The following HS3ST4 variants were observed in gnomAD, a reference collection of about 807,000 sequenced individuals.
The protein encoded by HS3ST4 is heparan sulfate-glucosamine 3-sulfotransferase 4.
A neutral mutation model predicts 29.2 loss-of-function variants in HS3ST4; 17 were observed. The observed-to-expected ratio is 0.58, with a 90% CI of 0.40 to 0.87. HS3ST4 has a LOEUF of 0.87. HS3ST4 is among the 40% of genes least tolerant of loss of function. The pLI is 0.00. For synonymous variants in HS3ST4, 314 were observed against 285.7 expected (o/e 1.10, Z -1.00); for missense variants, 627 against 634.5 (o/e 0.99, Z 0.13).
At chr16:25,956,079 G>A (rs1389174733) in intron 1 of HS3ST4, among the ~76,000 whole-genome samples, 1 of 152,126 alleles carries the variant, frequency 6.6e-6, no homozygotes, top group African/African-American at 2.4e-5. Context: ...GCCTCCCAAA[G>A]TGCTGGGATT....
At position 25,692,662 on chromosome 16, in the gene HS3ST4, CCTCTCT is replaced by C; in HGVS notation, c.246_251del (p.Ser83_Leu84del). ...GAGCCCCCGCCGAGCCCGCCGCCAC[CCTCTCT>C]GCTGCCTACCCCCGTGCGCCTCGGC... On this transcript the variant is annotated inframe_deletion, in exon 1 of 2. Coordinates refer to ENST00000331351, the MANE Select transcript of HS3ST4 (RefSeq NM_006040.3). 3 of 1,345,086 alleles carry C rather than the reference CCTCTCT, an allele frequency of 2.2e-6. No homozygotes were observed. The highest frequency in any genetic ancestry group is 2.9e-6 in the Non-Finnish European group (3 of 1,040,372). 83.3% of individuals were successfully genotyped at this position (1,345,086 alleles called of 1,614,324 possible).
At position 26,136,294 on chromosome 16, in the gene HS3ST4, C is replaced by A; in HGVS notation, c.*46C>A. 1 of 1,537,198 alleles carries A rather than the reference C, an allele frequency of 6.5e-7. No individual in the cohort carries two copies. Among genetic ancestry groups the A allele is most frequent in the Non-Finnish European group, 8.7e-7 (1 of 1,143,594 alleles). ...GCTAGTCAATAAGCTAAGGAGGCTC[C>A]TTGCCTGAGTCCTTGAATACCCCAG... On this transcript the variant is annotated 3_prime_UTR_variant, in exon 2 of 2. Transcript: ENST00000331351.
intron 1 of HS3ST4, among the ~76,000 whole-genome samples, chr16:25,762,195 A>T (rs1966792630): frequency 6.6e-6 from 1 of 152,226 alleles, no homozygotes; most frequent in East Asian, 1.9e-4. Flanking sequence ...CCTCCAGACC[A>T]TGAGAAATAA....
At chr16:26,040,623 A>G (rs1238578604) in intron 1 of HS3ST4, among the ~76,000 whole-genome samples, 1 of 151,394 alleles carries the variant, frequency 6.6e-6, no homozygotes, top group Non-Finnish European at 1.5e-5. Context: ...GTATGTTTCT[A>G]TGTCTCTGCT....
chr16:25,989,197 A>G lies in HS3ST4; in HGVS notation c.735-146415A>G, dbSNP rs578214028. 3.3e-5 allele frequency among the ~76,000 whole-genome samples: 5 copies of G among 152,336 alleles called. No individual in the cohort carries two copies. The East Asian group carries it at 9.6e-4, about 29-fold the overall frequency. Reference sequence around the variant, plus strand: ...AAAACTCCGTGATTGGTGTAAGAGTAGGTTACAGTCTGTTTACACCTCCAG... The same window carrying G: ...AAAACTCCGTGATTGGTGTAAGAGTGGGTTACAGTCTGTTTACACCTCCAG... On this transcript the variant is annotated intron_variant, in intron 1 of 1. Transcript: ENST00000331351.
At chr16:25,999,884 A>T (rs1303304092) in intron 1 of HS3ST4, among the ~76,000 whole-genome samples, 158 of 121,342 alleles carry the variant, frequency 1.3e-3, no homozygotes, top group Non-Finnish European at 1.8e-3. Flanking sequence ...TATATATATT[A>T]TATATATATA....
intron 1 of HS3ST4, among the ~76,000 whole-genome samples, chr16:25,900,081 C>T (rs1968107458): frequency 6.6e-6 from 1 of 152,226 alleles, no homozygotes. Flanking sequence ...ACATTCTTAA[C>T]AGATAGTTTA....
intron 1 of HS3ST4, among the ~76,000 whole-genome samples, chr16:26,045,764 C>T (rs1898257869): frequency 6.6e-6 from 1 of 152,176 alleles, no homozygotes; most frequent in Non-Finnish European, 1.5e-5. Context: ...TGTTTTCCTG[C>T]ACTTTTATAA....
intron 1 of HS3ST4, among the ~76,000 whole-genome samples, chr16:26,091,693 C>G (rs1596677657): frequency 6.6e-6 from 1 of 152,132 alleles, no homozygotes; most frequent in Admixed American, 6.5e-5. Context: ...ATTCAAGTCA[C>G]CATTCATCCT....
At chr16:26,106,744 T>C (rs1263560099) in intron 1 of HS3ST4, among the ~76,000 whole-genome samples, 2 of 152,258 alleles carry the variant, frequency 1.3e-5, no homozygotes, top group African/African-American at 4.8e-5. Flanking sequence ...CTTCCTGTGC[T>C]GTTCCCCTAG....
At chr16:25,859,708 A>T (rs1041981397) in intron 1 of HS3ST4, among the ~76,000 whole-genome samples, 1 of 152,258 alleles carries the variant, frequency 6.6e-6, no homozygotes, top group Non-Finnish European at 1.5e-5. Context: ...AAAGACCTTA[A>T]AAGACACCTC....
intron 1 of HS3ST4, among the ~76,000 whole-genome samples, chr16:26,024,650 T>A (rs1269102794): frequency 6.6e-6 from 1 of 152,114 alleles, no homozygotes; most frequent in East Asian, 1.9e-4. Context: ...GAGAATCGCA[T>A]GAACCCAGGA....
intron 1 of HS3ST4, among the ~76,000 whole-genome samples, chr16:25,697,378 G>C (rs1966305135): frequency 6.6e-6 from 1 of 152,108 alleles, no homozygotes; most frequent in Admixed American, 6.5e-5. Flanking sequence ...CTATTGAATA[G>C]GTAAAATGTC....
intron 1 of HS3ST4, among the ~76,000 whole-genome samples, chr16:25,789,371 CTTTCTCTTTCTT>C (rs1966863302): frequency 2.0e-5 from 3 of 149,214 alleles, no homozygotes; most frequent in South Asian, 2.1e-4. Context: ...CCCTCTCTCT[CTTTCTCTTTCTT>C]TCTTTCTCTT....
At chr16:25,959,966 C>T (rs1299580007) in intron 1 of HS3ST4, among the ~76,000 whole-genome samples, 1 of 152,144 alleles carries the variant, frequency 6.6e-6, no homozygotes, top group African/African-American at 2.4e-5. Flanking sequence ...GAAACTCCAT[C>T]TCTACCAAAA....
At chr16:25,883,888 G>A (rs1967919716) in intron 1 of HS3ST4, among the ~76,000 whole-genome samples, 1 of 152,174 alleles carries the variant, frequency 6.6e-6, no homozygotes, top group Non-Finnish European at 1.5e-5. Flanking sequence ...GCCGAGGCAG[G>A]TGGATCACTT....
At chr16:25,866,660 T>C (rs748304474) in intron 1 of HS3ST4, among the ~76,000 whole-genome samples, 3 of 151,252 alleles carry the variant, frequency 2.0e-5, no homozygotes, top group Non-Finnish European at 4.4e-5. Context: ...GTCATGGAGG[T>C]TGGGGGCAAC....
chr16:25,946,446 G>A (rs943367407), intron 1 of HS3ST4, among the ~76,000 whole-genome samples: 2 of 152,194 alleles, frequency 1.3e-5, no homozygotes, highest in Non-Finnish European at 2.9e-5. Flanking sequence ...ATGTTCTTGT[G>A]TGCTTTGGGC....
chr16:25,792,904 G>C (rs946383760), intron 1 of HS3ST4, among the ~76,000 whole-genome samples: 1 of 151,444 alleles, frequency 6.6e-6, no homozygotes, highest in Non-Finnish European at 1.5e-5. Flanking sequence ...TTTTCTAATG[G>C]GTGCATTAAA....
Sources: gnomAD v4.1 joint callset for allele counts (sites outside exome capture counted in the v4.1 genomes callset) on GRCh38, gnomAD v4.1.1 for gene constraint, MANE v1.5 for transcripts, NCBI Gene and HGNC (gene_info 2026-07-23, HGNC 2026-07-21) for gene names.